The following B3GNT2 variants were observed in gnomAD, a reference collection of about 807,000 sequenced individuals.
B3GNT2 encodes N-acetyllactosaminide beta-1,3-N-acetylglucosaminyltransferase 2.
A neutral mutation model predicts 27.6 loss-of-function variants in B3GNT2; 12 were observed. That is an observed-to-expected ratio of 0.44 (90% CI 0.28 to 0.71). The LOEUF (loss-of-function observed/expected upper bound fraction) is 0.71. B3GNT2 is among the 30% of genes least tolerant of loss of function. The pLI, the probability that B3GNT2 is intolerant of heterozygous loss-of-function variation, is 0.17. For synonymous variants in B3GNT2, 192 were observed against 189.7 expected (o/e 1.01, Z -0.10); for missense variants, 413 against 488.5 (o/e 0.85, Z 1.46).
chr2:62,221,800 A>G (rs775547578), intron 1 of B3GNT2: 12 of 514,556 alleles, frequency 2.3e-5, no homozygotes, highest in Admixed American at 8.1e-5. Flanking sequence ...AATTTAGGCA[A>G]ATCGGTTTGC....
intron 1 of B3GNT2, among the ~76,000 whole-genome samples, chr2:62,211,534 T>C (rs1359396748): frequency 6.6e-6 from 1 of 152,242 alleles, no homozygotes; most frequent in African/African-American, 2.4e-5. Flanking sequence ...GGCATCCAAC[T>C]TGGAGTTCTT....
At chr2:62,213,398 G>A (rs554097411) in intron 1 of B3GNT2, among the ~76,000 whole-genome samples, 1 of 152,186 alleles carries the variant, frequency 6.6e-6, no homozygotes, top group Non-Finnish European at 1.5e-5. Flanking sequence ...GACTGTCATG[G>A]CCTTGTAGGT....
intron 1 of B3GNT2, among the ~76,000 whole-genome samples, chr2:62,198,776 A>T (rs1674203939): frequency 1.3e-5 from 2 of 152,138 alleles, no homozygotes; most frequent in South Asian, 4.1e-4. Context: ...GTTGATTTTG[A>T]CTATACTGTT....
At chr2:62,204,852 A>G (rs1674340995) in intron 1 of B3GNT2, among the ~76,000 whole-genome samples, 1 of 152,222 alleles carries the variant, frequency 6.6e-6, no homozygotes, top group South Asian at 2.1e-4. Context: ...GCAGATACAG[A>G]GAATGGTATC....
intron 1 of B3GNT2, among the ~76,000 whole-genome samples, chr2:62,206,155 G>A (rs1004387923): frequency 6.6e-6 from 1 of 152,154 alleles, no homozygotes; most frequent in Admixed American, 6.5e-5. Context: ...GAGGCCTCCG[G>A]GATGGGGTTT....
intron 1 of B3GNT2, among the ~76,000 whole-genome samples, chr2:62,217,792 A>G (rs923772279): frequency 6.6e-6 from 1 of 152,166 alleles, no homozygotes; most frequent in African/African-American, 2.4e-5. Context: ...TTTGTGTAGT[A>G]TTTTATCTAG....
At chr2:62,220,173 G>C (rs1281819485) in intron 1 of B3GNT2, among the ~76,000 whole-genome samples, 2 of 152,184 alleles carry the variant, frequency 1.3e-5, no homozygotes, top group African/African-American at 4.8e-5. Context: ...TTTTATGGAG[G>C]GACTGTTACC....
intron 1 of B3GNT2, chr2:62,205,701 C>T (rs1309256226): frequency 6.6e-6 from 1 of 152,276 alleles, no homozygotes; most frequent in African/African-American, 2.4e-5. Context: ...GGCAGCATCC[C>T]AGAGGGAGCC....
At chr2:62,212,849 C>A (rs556215494) in intron 1 of B3GNT2, among the ~76,000 whole-genome samples, 1 of 152,186 alleles carries the variant, frequency 6.6e-6, no homozygotes, top group South Asian at 2.1e-4. Context: ...TTGGTTTCTA[C>A]CTGCTGGTTG....
At position 62,222,752 on chromosome 2, in the gene B3GNT2, C is replaced by G; in HGVS notation, c.532C>G (p.Arg178Gly). ...ESNAGNQTVV[R>G]VFLLGQTPPE... ...CAACGCAGGGAACCAAACGGTGGTG[C>G]GAGTCTTCCTGCTGGGCCAGACACC... Residue 178 changes from arginine to glycine, a missense_variant, in exon 2 of 2, where the codon CGA (arginine) becomes GGA (glycine). Coordinates refer to ENST00000301998, the MANE Select transcript of B3GNT2 (RefSeq NM_006577.6). This position sits in a 1 kb window ranked among gnomAD's most constrained non-coding sequence, Gnocchi z 4.2. The G allele has an allele frequency of 2.5e-6, 4 of 1,614,166 alleles. No homozygotes were observed. Among genetic ancestry groups the G allele is most frequent in the Non-Finnish European group, 3.4e-6 (4 of 1,180,036 alleles).
At position 62,222,850 on chromosome 2, in the gene B3GNT2, G is replaced by A; in HGVS notation, c.630G>A (p.Met210Ile). 2 of 1,614,170 alleles carry A rather than the reference G, an allele frequency of 1.2e-6. No individual in the cohort carries two copies. The highest frequency in any genetic ancestry group is 1.7e-6 in the Non-Finnish European group (2 of 1,180,036). Reference protein sequence around the residue: ...FESEKHQDILMWNYRDTFFNL... With the variant: ...FESEKHQDILIWNYRDTFFNL... ...GTGAGAAGCACCAAGACATTCTTAT[G>A]TGGAACTACAGAGACACTTTCTTCA... The change falls in exon 2 of 2, where the codon ATG (methionine) becomes ATA (isoleucine). Residue 210 changes from methionine (M) to isoleucine (I), a missense_variant. Coordinates refer to ENST00000301998, the MANE Select transcript of B3GNT2 (RefSeq NM_006577.6). This position sits in a 1 kb window ranked among gnomAD's most constrained non-coding sequence, Gnocchi z 4.2.
Position 62,223,101 on chromosome 2 carries a change from T to C in B3GNT2, c.881T>C (p.Val294Ala), listed in dbSNP as rs1674751731. 1 of 1,614,070 alleles carries C rather than the reference T, an allele frequency of 6.2e-7. No homozygotes were observed. The highest frequency in any genetic ancestry group is 1.1e-5 in the South Asian group (1 of 91,088). The change falls in exon 2 of 2, where the codon GTT becomes GCT. Residue 294 changes from valine (V) to alanine (A), a missense_variant. Coordinates refer to ENST00000301998, the MANE Select transcript of B3GNT2 (RefSeq NM_006577.6). ...DKKLKYYIPEVVYSGLYPPYA... is the reference protein window; with the variant it reads ...DKKLKYYIPEAVYSGLYPPYA... ...AAGCTGAAGTACTACATCCCAGAAG[T>C]TGTTTACTCTGGCCTCTACCCACCC...
At position 62,223,517 on chromosome 2, in the gene B3GNT2, C is replaced by T. The variant is rs1674764686; in HGVS notation, c.*103C>T. The T allele has an allele frequency of 9.4e-7, 1 of 1,068,016 alleles. No homozygotes were observed. 66.2% of individuals were successfully genotyped at this position (1,068,016 alleles called of 1,614,324 possible). On this transcript the variant is annotated 3_prime_UTR_variant, in exon 2 of 2. Coordinates refer to ENST00000301998, the MANE Select transcript of B3GNT2 (RefSeq NM_006577.6). ...TTCTATATTAAACCATGAAAATTGC[C>T]TTTATGAGTGATACCCATTTGAGGG... is the stretch of plus-strand genomic sequence containing the variant.
At chr2:62,210,705 G>T (rs1468886329) in intron 1 of B3GNT2, among the ~76,000 whole-genome samples, 1 of 151,922 alleles carries the variant, frequency 6.6e-6, no homozygotes, top group Non-Finnish European at 1.5e-5. Flanking sequence ...GGGAGGCAGG[G>T]GTTGCAGTGA....
chr2:62,220,449 G>A (rs1388355735), intron 1 of B3GNT2, among the ~76,000 whole-genome samples: 1 of 152,190 alleles, frequency 6.6e-6, no homozygotes, highest in Non-Finnish European at 1.5e-5. Flanking sequence ...TCTCTAATAT[G>A]TAATAGTTTT....
At chr2:62,218,578 A>G (rs1674620335) in intron 1 of B3GNT2, among the ~76,000 whole-genome samples, 1 of 152,140 alleles carries the variant, frequency 6.6e-6, no homozygotes, top group Admixed American at 6.5e-5. Context: ...GTGGGACTTC[A>G]CTGTTGACCT....
At chr2:62,221,097 A>G (rs968434094) in intron 1 of B3GNT2, among the ~76,000 whole-genome samples, 18 of 152,216 alleles carry the variant, frequency 1.2e-4, no homozygotes, top group Admixed American at 3.3e-4. Context: ...GTTCCTTCCT[A>G]TCCTTCTCTA....
At chr2:62,207,222 C>G (rs1453513357) in intron 1 of B3GNT2, among the ~76,000 whole-genome samples, 1 of 151,894 alleles carries the variant, frequency 6.6e-6, no homozygotes, top group African/African-American at 2.4e-5. Context: ...CTCTGTCGCT[C>G]AGGTTGGAGT....
In B3GNT2 at chr2:62,222,426, A is replaced by T. The variant is rs376025052; in HGVS notation, c.206A>T (p.Gln69Leu). 22 of 1,613,984 alleles carry T rather than the reference A, an allele frequency of 1.4e-5. No homozygotes were observed. The highest frequency in any genetic ancestry group is 1.9e-5 in the Non-Finnish European group (22 of 1,180,022). ...CGAGAGCAAGAGAAGCTGAACCGGC[A>T]GTACAACCCCATCCTGAGCATGCTG... ...WNREQEKLNR[Q>L]YNPILSMLTN... The change falls in exon 2 of 2, where the codon CAG (glutamine) becomes CTG (leucine). Residue 69 changes from glutamine to leucine, a missense_variant. Physicochemically the swap from Gln to Leu is moderately radical, Grantham distance 113. Coordinates refer to ENST00000301998, the MANE Select transcript of B3GNT2 (RefSeq NM_006577.6). The surrounding 1 kb of genome is among the most constrained non-coding windows in gnomAD (Gnocchi z 4.2).
Sources: gnomAD v4.1 joint callset for allele counts (sites outside exome capture counted in the v4.1 genomes callset) on GRCh38, gnomAD v4.1.1 for gene constraint, Gnocchi (gnomAD v3.1) non-coding constraint, MANE v1.5 for transcripts, NCBI Gene and HGNC (gene_info 2026-07-23, HGNC 2026-07-21) for gene names.